The following INSR variants were observed in gnomAD, a reference collection of about 807,000 sequenced individuals.
The protein encoded by INSR is IR.
In INSR, 67 loss-of-function variants were observed where a neutral mutation model predicts 142.6. That is an observed-to-expected ratio of 0.47 (90% CI 0.39 to 0.58). The LOEUF is 0.58. Among genes scored for constraint, INSR ranks in the 20% least tolerant of loss-of-function variants. The probability of loss-of-function intolerance (pLI) is 0.00; values close to 1 mark genes in which losing one functional copy is unlikely to be tolerated. For missense variants in INSR, 1,248 were observed against 1,833.2 expected (o/e 0.68, Z 5.83); for synonymous variants, 756 against 743.1 (o/e 1.02, Z -0.28).
In INSR at chr19:7,269,376, A is replaced by AAC. The variant is rs60776874; in HGVS notation, c.101-1482_101-1481dup. Among the ~76,000 whole-genome samples the AAC allele has an allele frequency of 5.9e-3, 790 of 134,768 alleles. 8 individuals carry two copies. The highest frequency in any genetic ancestry group is 0.048 in the East Asian group (203 of 4,228). The allele number at this position is 134,768 out of a possible 152,430, so 88.4% of individuals were successfully genotyped here. ...CAAATGGATTAGGCTAAGTCGAGAA[A>AAC]ACACACACACACACACACACACACA... On this transcript the variant is annotated intron_variant, in intron 1 of 21. Coordinates refer to ENST00000302850, the MANE Select transcript of INSR (RefSeq NM_000208.4).
chr19:7,233,327 G>C (rs933610324), intron 2 of INSR, among the ~76,000 whole-genome samples: 4 of 152,130 alleles, frequency 2.6e-5, no homozygotes, highest in African/African-American at 7.2e-5. Context: ...TTACAAAAGA[G>C]GAAACAGATC....
chr19:7,258,012 G>C (rs1433694628), intron 2 of INSR, among the ~76,000 whole-genome samples: 1 of 152,208 alleles, frequency 6.6e-6, no homozygotes, highest in South Asian at 2.1e-4. Flanking sequence ...TTTTAGTAGA[G>C]ATGGGGTTTC....
chr19:7,200,521 C>T (rs1347374385), intron 2 of INSR, among the ~76,000 whole-genome samples: 1 of 151,500 alleles, frequency 6.6e-6, no homozygotes, highest in Non-Finnish European at 1.5e-5. Flanking sequence ...AAGACCTTAT[C>T]TCTTTAAAAA....
intron 1 of INSR, among the ~76,000 whole-genome samples, chr19:7,268,182 T>A (rs1967799261): frequency 6.6e-6 from 1 of 152,092 alleles, no homozygotes; most frequent in Non-Finnish European, 1.5e-5. Context: ...ACAATGGGAT[T>A]ACAGGGGATT....
rs1973902555 is a variant in INSR at position 7,166,919 on chromosome 19, A to C, written c.1611-515T>G. 6.8e-6 allele frequency among the ~76,000 whole-genome samples: 1 copy of C among 146,376 alleles called. No homozygotes were observed. The highest frequency in any genetic ancestry group is 6.9e-5 in the Admixed American group (1 of 14,462). ...GGGCGACAAAGGGAGACTCTGTTTC[A>C]AAAACATAAATAAATAAATAAATAA... is the stretch of plus-strand genomic sequence containing the variant. On this transcript the variant is annotated intron_variant, in intron 7 of 21. Coordinates refer to ENST00000302850, the MANE Select transcript of INSR (RefSeq NM_000208.4). This position sits in a 1 kb window ranked among gnomAD's most constrained non-coding sequence, Gnocchi z 4.1.
In INSR at chr19:7,119,596, G is replaced by A. The variant is rs1396012241; in HGVS notation, c.3660-13C>T. The A allele has an allele frequency of 6.2e-7, 1 of 1,613,790 alleles. No homozygotes were observed. Among genetic ancestry groups the A allele is most frequent in the South Asian group, 1.1e-5 (1 of 91,072 alleles). On this transcript the variant is annotated splice_polypyrimidine_tract_variant and intron_variant, in intron 20 of 21. Transcript: ENST00000302850. The surrounding 1 kb of genome is among the most constrained non-coding windows in gnomAD (Gnocchi z 5.2). ...CACGCCAAAGGACCTGCCGATGACA[G>A]TTGATAGTAGTAACAAAGAAGCCAT...
At chr19:7,219,487 A>AAGGAGGGAGGGAG (rs1445884167) in intron 2 of INSR, among the ~76,000 whole-genome samples, 1 of 118,246 alleles carries the variant, frequency 8.5e-6, no homozygotes, top group African/African-American at 3.3e-5. Context: ...GAGGGAGGGA[A>AAGGAGGGAGGGAG]GGAAGGAAGG....
At chr19:7,248,300 C>T (rs1039282463) in intron 2 of INSR, among the ~76,000 whole-genome samples, 33 of 149,258 alleles carry the variant, frequency 2.2e-4, no homozygotes, top group Admixed American at 5.3e-4. Context: ...CGTGCACCAC[C>T]GCGCCTGGCT....
intron 1 of INSR, among the ~76,000 whole-genome samples, chr19:7,290,050 T>C (rs992136737): frequency 6.6e-6 from 1 of 152,146 alleles, no homozygotes; most frequent in African/African-American, 2.4e-5. Flanking sequence ...CACCCTGTGG[T>C]CTCTATGCAT....
Position 7,245,208 on chromosome 19 carries a change from T to C in INSR, c.652+22137A>G, listed in dbSNP as rs566256021. ...GCCTCGGCCTCCCCAAGTGCTGGGA[T>C]TACAGGCGTGAGCCACCGCGCCCAG... is the stretch of plus-strand genomic sequence containing the variant. On this transcript the variant is annotated intron_variant, in intron 2 of 21. Transcript: ENST00000302850. Among the ~76,000 whole-genome samples, 5 of 152,246 alleles carry C rather than the reference T, an allele frequency of 3.3e-5. No homozygotes were observed. The South Asian group carries it at 1.0e-3, about 32-fold the overall frequency.
intron 14 of INSR, among the ~76,000 whole-genome samples, chr19:7,129,284 G>T (rs1279909463): frequency 6.6e-6 from 1 of 152,068 alleles, no homozygotes; most frequent in Non-Finnish European, 1.5e-5. Flanking sequence ...ATGCTCTGCT[G>T]TTGCCCCTCT....
intron 1 of INSR, among the ~76,000 whole-genome samples, chr19:7,270,753 G>A (rs1256131951): frequency 4.0e-5 from 6 of 151,024 alleles, no homozygotes; most frequent in East Asian, 3.9e-4. Context: ...GTGAGACCTC[G>A]TCTCGATTAA....
chr19:7,243,095 CATT>C (rs1412278841), intron 2 of INSR, among the ~76,000 whole-genome samples: 1 of 152,000 alleles, frequency 6.6e-6, no homozygotes, highest in African/African-American at 2.4e-5. Flanking sequence ...ACTAAAAAAA[CATT>C]ATTAGATTTC....
chr19:7,206,170 C>T (rs957327053), intron 2 of INSR, among the ~76,000 whole-genome samples: 2 of 131,454 alleles, frequency 1.5e-5, no homozygotes, highest in African/African-American at 5.3e-5. Context: ...GGTCCCCCAC[C>T]CCTCAGGGAG....
intron 2 of INSR, among the ~76,000 whole-genome samples, chr19:7,249,135 A>G (rs1187912137): frequency 6.6e-6 from 1 of 152,118 alleles, no homozygotes; most frequent in African/African-American, 2.4e-5. Flanking sequence ...AACTACATTG[A>G]CAAATTTAAG....
chr19:7,193,639 G>A (rs775569932), intron 2 of INSR, among the ~76,000 whole-genome samples: 1 of 151,960 alleles, frequency 6.6e-6, no homozygotes, highest in East Asian at 1.9e-4. Flanking sequence ...GTACTATCCT[G>A]TCAAAACTGA....
At chr19:7,290,145 C>G (rs1968452710) in intron 1 of INSR, among the ~76,000 whole-genome samples, 1 of 152,178 alleles carries the variant, frequency 6.6e-6, no homozygotes, top group Non-Finnish European at 1.5e-5. Flanking sequence ...TGGCTCATGC[C>G]TGTGATCCCA....
intron 10 of INSR, chr19:7,152,442 T>C: frequency 4.2e-6 from 2 of 478,906 alleles, no homozygotes; most frequent in South Asian, 4.2e-5. Flanking sequence ...GGAGTTTGTT[T>C]TGGAACTCAC....
At chr19:7,163,751 G>T (rs1374450789) in intron 8 of INSR, among the ~76,000 whole-genome samples, 1 of 151,220 alleles carries the variant, frequency 6.6e-6, no homozygotes, top group African/African-American at 2.4e-5. Context: ...AATGAGCGGG[G>T]ATTAACTGAA....
Sources: gnomAD v4.1 joint callset for allele counts (sites outside exome capture counted in the v4.1 genomes callset) on GRCh38, gnomAD v4.1.1 for gene constraint, Gnocchi (gnomAD v3.1) non-coding constraint, MANE v1.5 for transcripts, NCBI Gene and HGNC (gene_info 2026-07-23, HGNC 2026-07-21) for gene names.